The following LATS2 variants were observed in gnomAD, a reference collection of about 807,000 sequenced individuals.
LATS2 encodes serine/threonine-protein kinase LATS2.
A neutral mutation model predicts 76.0 loss-of-function variants in LATS2; 24 were observed. The observed-to-expected ratio is 0.32, with a 90% CI of 0.23 to 0.44. The LOEUF is 0.44. Ranked by LOEUF, LATS2 falls within the 20% of genes least tolerant of loss-of-function variation. LATS2 has a pLI of 1.00. For missense variants in LATS2, 1,286 were observed against 1,481.2 expected (o/e 0.87, Z 2.16); for synonymous variants, 692 against 635.4 (o/e 1.09, Z -1.34).
At chr13:21,014,008 A>G (rs1308014564) in intron 2 of LATS2, among the ~76,000 whole-genome samples, 1 of 151,516 alleles carries the variant, frequency 6.6e-6, no homozygotes, top group Non-Finnish European at 1.5e-5. Flanking sequence ...GAAGAAGAGG[A>G]GGAAGAGAAG....
intron 2 of LATS2, among the ~76,000 whole-genome samples, chr13:20,999,930 T>C (rs533006253): frequency 1.3e-3 from 188 of 149,752 alleles, no homozygotes; most frequent in African/African-American, 4.4e-3. Flanking sequence ...CTAGGGAGGC[T>C]GAGGCAGAAG....
At chr13:21,016,808 C>T (rs1381853543) in intron 2 of LATS2, among the ~76,000 whole-genome samples, 1 of 151,794 alleles carries the variant, frequency 6.6e-6, no homozygotes, top group Non-Finnish European at 1.5e-5. Context: ...GAAAACCTCT[C>T]ACTAATAAAA....
chr13:20,981,552 C>T lies in LATS2; in HGVS notation c.2579G>A (p.Arg860Lys). Residue 860 changes from arginine (R) to lysine (K), a missense_variant, in exon 6 of 8, where the codon AGG becomes AAG. Around this residue, in one of 5 missense-constraint regions of LATS2, gnomAD observed 247 missense variants for 385.4 expected, o/e 0.64. Transcript: ENST00000382592. ...GCACCTCTGGTGCTGCTTCCGCGCC[C>T]TCTGCTCTAGGGTCTTCAGCCTGTC... ...CGDRLKTLEQ[R>K]ARKQHQRCLA... The T allele has an allele frequency of 1.9e-6, 3 of 1,614,136 alleles. No individual in the cohort carries two copies. The highest frequency in any genetic ancestry group is 2.5e-6 in the Non-Finnish European group (3 of 1,180,010).
Position 20,991,258 on chromosome 13 carries a change from A to C in LATS2, c.475+14T>G, listed in dbSNP as rs1870495436. ...AAACCATCTTTGCCCACTATGCTGC[A>C]GGCCTGGGCTCACCTGGGGAGGTCT... On this transcript the variant is annotated intron_variant, in intron 3 of 7. Coordinates refer to ENST00000382592, the MANE Select transcript of LATS2 (RefSeq NM_014572.3). The surrounding 1 kb of genome is among the most constrained non-coding windows in gnomAD (Gnocchi z 4.9). 1 of 1,614,118 alleles carries C rather than the reference A, an allele frequency of 6.2e-7. No homozygotes were observed.
At chr13:21,039,320 T>C (rs1872788286) in intron 2 of LATS2, among the ~76,000 whole-genome samples, 1 of 152,212 alleles carries the variant, frequency 6.6e-6, no homozygotes, top group Non-Finnish European at 1.5e-5. Flanking sequence ...CAAGAGGAAG[T>C]GAGAAAGAGG....
In LATS2 at chr13:21,045,055, G is replaced by A. The variant is rs1049474734; in HGVS notation, c.342+630C>T. On this transcript the variant is annotated intron_variant, in intron 2 of 7. Coordinates refer to ENST00000382592, the MANE Select transcript of LATS2 (RefSeq NM_014572.3). ...TAAGCTGTGTATTAATGTATAACTG[G>A]TGCCACCTCCACTAATGTATCCTTT... Among the ~76,000 whole-genome samples the A allele has an allele frequency of 3.9e-5, 6 of 152,118 alleles. No homozygotes were observed. In the East Asian group the frequency reaches 7.7e-4, roughly 20 times the overall value.
rs373475512 is a variant in LATS2, at chr13:20,981,458, G to A, written c.2665+8C>T. 26 of 1,611,012 alleles carry A rather than the reference G, an allele frequency of 1.6e-5. No individual in the cohort carries two copies. The highest frequency in any genetic ancestry group is 2.2e-5 in the East Asian group (1 of 44,848). On this transcript the variant is annotated splice_region_variant and intron_variant, in intron 6 of 7. Coordinates refer to ENST00000382592, the MANE Select transcript of LATS2 (RefSeq NM_014572.3). ...CTCCTGCGGGGTGGCTGGCCATGGC[G>A]CATGTACCTTTGCGGAGGAGCACCT...
At chr13:21,037,594 G>A (rs772475723) in intron 2 of LATS2, among the ~76,000 whole-genome samples, 9 of 152,108 alleles carry the variant, frequency 5.9e-5, no homozygotes, top group African/African-American at 9.7e-5. Context: ...AAAGGGAGAC[G>A]CACAAACTAC....
intron 2 of LATS2, among the ~76,000 whole-genome samples, chr13:21,019,555 C>T (rs1486184151): frequency 7.2e-6 from 1 of 138,652 alleles, no homozygotes; most frequent in Admixed American, 7.4e-5. Context: ...GTTGGCCAGG[C>T]TGGTCTCGAA....
intron 2 of LATS2, among the ~76,000 whole-genome samples, chr13:21,043,532 G>T (rs1002059276): frequency 1.3e-5 from 2 of 152,122 alleles, no homozygotes; most frequent in African/African-American, 4.8e-5. Flanking sequence ...GAAAGGTGGA[G>T]GCACAGCTGT....
chr13:21,014,189 GC>G (rs1871709562), intron 2 of LATS2, among the ~76,000 whole-genome samples: 5 of 152,226 alleles, frequency 3.3e-5, no homozygotes, highest in African/African-American at 1.2e-4. Context: ...AGGGGGAAAG[GC>G]GCGCAGGTCA....
intron 2 of LATS2, among the ~76,000 whole-genome samples, chr13:21,015,744 G>A (rs1871771670): frequency 6.6e-6 from 1 of 152,132 alleles, no homozygotes; most frequent in South Asian, 2.1e-4. Flanking sequence ...CTGTCACCCA[G>A]GCTGGAGTGC....
intron 2 of LATS2, among the ~76,000 whole-genome samples, chr13:21,025,411 A>AC (rs1872274500): frequency 6.7e-6 from 1 of 149,382 alleles, no homozygotes; most frequent in Non-Finnish European, 1.5e-5. Flanking sequence ...AAAAAAAAAA[A>AC]AAATTATGGT....
At chr13:21,029,225 C>T (rs1322585490) in intron 2 of LATS2, among the ~76,000 whole-genome samples, 2 of 152,226 alleles carry the variant, frequency 1.3e-5, no homozygotes. Flanking sequence ...AGGTACCCCT[C>T]AGCAAGTTGA....
rs1408873074 is a variant in LATS2, at chr13:20,975,424, C to T, written c.2773-60G>A. ...CCTCACATCTTGGGCAGTTCTGGGA[C>T]AGCGTGTGATGACGTGACTTTCAAA... On this transcript the variant is annotated intron_variant, in intron 7 of 7. Coordinates refer to ENST00000382592, the MANE Select transcript of LATS2 (RefSeq NM_014572.3). 1.1e-5 allele frequency: 16 copies of T among 1,489,590 alleles called. No homozygotes were observed. The East Asian group carries it at 3.2e-4, about 30-fold the overall frequency. The allele number at this position is 1,489,590 out of a possible 1,614,324, so 92.3% of individuals were successfully genotyped here.
At chr13:21,054,505 C>A (rs58414912) in intron 1 of LATS2, among the ~76,000 whole-genome samples, 3,682 of 152,248 alleles carry the variant, frequency 0.024, 129 homozygotes, top group African/African-American at 0.084. Flanking sequence ...AAAGTCTCCA[C>A]GTGAAGTCCA....
At chr13:21,060,938 C>A (rs1391635512) in intron 1 of LATS2, among the ~76,000 whole-genome samples, 1 of 151,388 alleles carries the variant, frequency 6.6e-6, no homozygotes, top group African/African-American at 2.4e-5. Context: ...AGCAGAGGCG[C>A]GCCCGGCGCT....
intron 2 of LATS2, among the ~76,000 whole-genome samples, chr13:21,016,472 G>T (rs1456424237): frequency 1.3e-5 from 2 of 151,808 alleles, no homozygotes; most frequent in Non-Finnish European, 1.5e-5. Flanking sequence ...TAGAGACAGG[G>T]TTTCACTATG....
At chr13:21,040,882 T>C (rs566286248) in intron 2 of LATS2, among the ~76,000 whole-genome samples, 1 of 152,148 alleles carries the variant, frequency 6.6e-6, no homozygotes, top group South Asian at 2.1e-4. Flanking sequence ...AATTCTTATC[T>C]GAGGAATCTG....
Sources: gnomAD v4.1 joint callset for allele counts (sites outside exome capture counted in the v4.1 genomes callset) on GRCh38, gnomAD v4.1.1 for gene constraint, gnomAD v4.1.1 regional missense constraint, Gnocchi (gnomAD v3.1) non-coding constraint, MANE v1.5 for transcripts, NCBI Gene and HGNC (gene_info 2026-07-23, HGNC 2026-07-21) for gene names.